The following CAB39 variants were observed in gnomAD, a reference collection of about 807,000 sequenced individuals.
CAB39 encodes calcium binding protein 39, also known as calcium-binding protein 39.
In CAB39, 8 loss-of-function variants were observed where a neutral mutation model predicts 40.0. That is an observed-to-expected ratio of 0.20 (90% confidence interval 0.12 to 0.36). The LOEUF (loss-of-function observed/expected upper bound fraction) is 0.36, where lower values mean the gene tolerates loss of function less well. CAB39 is among the 10% of genes least tolerant of loss of function. The pLI, the probability that CAB39 is intolerant of heterozygous loss-of-function variation, is 1.00. For missense variants in CAB39, 270 were observed against 401.1 expected, an observed-to-expected ratio of 0.67 and a Z score of 2.79; for synonymous variants, 156 against 141.6, an observed-to-expected ratio of 1.10 and a Z score of -0.72.
Position 230,758,290 on chromosome 2 carries a change from G to A in CAB39, c.-43-1669G>A, listed in dbSNP as rs986485126. Among the ~76,000 whole-genome samples the A allele has an allele frequency of 3.1e-4, 39 of 127,822 alleles. No individual in the cohort carries two copies. In the East Asian group the frequency reaches 7.1e-3, roughly 23 times the overall value. The allele number at this position is 127,822 out of a possible 152,430, so 83.9% of individuals were successfully genotyped here. A position where few individuals can be genotyped will look rare whatever the true frequency, so the allele number is the denominator to read the frequency against. ...TGCACTCCAACCTGGGTGACACAGC[G>A]AGACTCCAAAAAAAAAAAAAAAAAA... On this transcript the variant is annotated intron_variant, in intron 1 of 8. Coordinates refer to ENST00000258418, the MANE Select transcript of CAB39 (RefSeq NM_016289.4).
At chr2:230,746,995 T>TA (rs1289250025) in intron 1 of CAB39, among the ~76,000 whole-genome samples, 1 of 152,208 alleles carries the variant, frequency 6.6e-6, no homozygotes, top group Admixed American at 6.5e-5. Flanking sequence ...TTAAAAATCT[T>TA]ACGGGTATAA....
chr2:230,792,464 C>G (rs1049016776), intron 3 of CAB39, among the ~76,000 whole-genome samples: 1 of 152,168 alleles, frequency 6.6e-6, no homozygotes, highest in Non-Finnish European at 1.5e-5. Flanking sequence ...GCATTTCACT[C>G]CCTCTCCTAT....
At chr2:230,727,617 A>G (rs1194040068) in intron 1 of CAB39, among the ~76,000 whole-genome samples, 3 of 151,508 alleles carry the variant, frequency 2.0e-5, no homozygotes, top group East Asian at 1.9e-4. Context: ...GGGTTTTGCT[A>G]TGTTGCCTAG....
At chr2:230,717,309 A>G (rs1694367387) in intron 1 of CAB39, among the ~76,000 whole-genome samples, 1 of 152,234 alleles carries the variant, frequency 6.6e-6, no homozygotes, top group Non-Finnish European at 1.5e-5. Context: ...ATAGCAATTT[A>G]GTCATCAGTA....
At chr2:230,743,599 A>G (rs1430090894) in intron 1 of CAB39, among the ~76,000 whole-genome samples, 4 of 152,194 alleles carry the variant, frequency 2.6e-5, no homozygotes. Flanking sequence ...TAATTTTTAA[A>G]CTTGACTTTA....
At chr2:230,795,743 TTTC>T (rs1453199882) in intron 4 of CAB39, among the ~76,000 whole-genome samples, 1 of 152,214 alleles carries the variant, frequency 6.6e-6, no homozygotes, top group African/African-American at 2.4e-5. Flanking sequence ...GATTCTGTTA[TTTC>T]TTCTTCATAT....
At chr2:230,778,555 C>T (rs549361232) in intron 2 of CAB39, among the ~76,000 whole-genome samples, 2 of 152,142 alleles carry the variant, frequency 1.3e-5, no homozygotes, top group Non-Finnish European at 2.9e-5. Flanking sequence ...TTTTGGTGAT[C>T]TCTGAAAAGG....
intron 1 of CAB39, among the ~76,000 whole-genome samples, chr2:230,737,541 T>C (rs954872624): frequency 7.9e-5 from 12 of 152,178 alleles, no homozygotes; most frequent in African/African-American, 2.4e-4. Context: ...TGCACGAAAA[T>C]GATCATCTCT....
chr2:230,741,528 T>TA (rs1258768834), intron 1 of CAB39, among the ~76,000 whole-genome samples: 1 of 152,170 alleles, frequency 6.6e-6, no homozygotes, highest in East Asian at 1.9e-4. Context: ...TCTTGAAAGA[T>TA]GGAGTCTCAC....
chr2:230,784,751 G>A lies in CAB39; in HGVS notation c.115-6121G>A, dbSNP rs150567030. 5.9e-5 allele frequency among the ~76,000 whole-genome samples: 9 copies of A among 152,122 alleles called. No individual in the cohort carries two copies. In the East Asian group the frequency reaches 7.7e-4, roughly 13 times the overall value. ...AAAAAGAGAAAAAAAGAATTAACGC[G>A]GGAAGAAATGATCTCTCAGCAGAGA... On this transcript the variant is annotated intron_variant, in intron 2 of 8. Coordinates refer to ENST00000258418, the MANE Select transcript of CAB39 (RefSeq NM_016289.4).
chr2:230,772,979 C>CAA (rs1402536381), intron 2 of CAB39, among the ~76,000 whole-genome samples: 1,660 of 60,518 alleles, frequency 0.027, 16 homozygotes, highest in Non-Finnish European at 0.033. Context: ...TACTACTCAG[C>CAA]AATAAAAAAA....
intron 4 of CAB39, among the ~76,000 whole-genome samples, chr2:230,797,182 A>G (rs1389384224): frequency 6.6e-6 from 1 of 152,218 alleles, no homozygotes; most frequent in East Asian, 1.9e-4. Context: ...ATAAAAGGAA[A>G]TGAAACTAAG....
At chr2:230,786,163 C>CA (rs369510604) in intron 2 of CAB39, among the ~76,000 whole-genome samples, 1,839 of 72,298 alleles carry the variant, frequency 0.025, 45 homozygotes, top group African/African-American at 0.053. Flanking sequence ...GACTCTGTCT[C>CA]AAAAAAAAAA....
chr2:230,748,702 G>A (rs1575918251), intron 1 of CAB39, among the ~76,000 whole-genome samples: 1 of 150,826 alleles, frequency 6.6e-6, no homozygotes, highest in South Asian at 2.1e-4. Flanking sequence ...GCTACATAGG[G>A]AGGCTGAGGC....
At chr2:230,777,362 GT>G (rs544926190) in intron 2 of CAB39, among the ~76,000 whole-genome samples, 6,124 of 123,380 alleles carry the variant, frequency 0.05, 156 homozygotes, top group Non-Finnish European at 0.076. Context: ...TGTTTTTTTT[GT>G]TTTTTTTTTT....
At chr2:230,786,366 G>T (rs1239693817) in intron 2 of CAB39, among the ~76,000 whole-genome samples, 4 of 149,946 alleles carry the variant, frequency 2.7e-5, no homozygotes, top group Non-Finnish European at 4.4e-5. Flanking sequence ...GGGGGGTGGG[G>T]TGGGGATGGG....
chr2:230,765,429 G>A (rs538190931), intron 2 of CAB39, among the ~76,000 whole-genome samples: 6 of 152,246 alleles, frequency 3.9e-5, no homozygotes, highest in African/African-American at 1.4e-4. Context: ...CCTTACAGAC[G>A]CTTTGAAAGG....
intron 2 of CAB39, among the ~76,000 whole-genome samples, chr2:230,782,515 A>C (rs1695704542): frequency 6.6e-6 from 1 of 152,012 alleles, no homozygotes; most frequent in South Asian, 2.1e-4. Context: ...TGTGAGAAAA[A>C]ATATTCAAGC....
chr2:230,786,381 A>G (rs1161502765), intron 2 of CAB39, among the ~76,000 whole-genome samples: 1 of 151,834 alleles, frequency 6.6e-6, no homozygotes, highest in Non-Finnish European at 1.5e-5. Flanking sequence ...GATGGGGGGA[A>G]CAGCTTTATT....
Sources: allele counts gnomAD v4.1 joint callset (sites outside exome capture counted in the v4.1 genomes callset), GRCh38; gene constraint gnomAD v4.1.1; transcripts MANE v1.5; gene names NCBI Gene and HGNC (gene_info 2026-07-23, HGNC 2026-07-21).